NBAS: variants seen among roughly 807,000 people sequenced by gnomAD.
The protein encoded by NBAS is NBAS subunit of NRZ tethering complex.
NBAS carries 219 observed loss-of-function variants against 302.5 expected under a neutral mutation model. That is an observed-to-expected ratio of 0.72 (90% confidence interval 0.65 to 0.81). The LOEUF (loss-of-function observed/expected upper bound fraction) is 0.81, where lower values mean the gene tolerates loss of function less well. Among genes scored for constraint, NBAS ranks in the 30% least tolerant of loss-of-function variants. The probability of loss-of-function intolerance (pLI) is 0.00; values close to 1 mark genes in which losing one functional copy is unlikely to be tolerated. For missense variants in NBAS, 2,932 were observed against 2,841.6 expected (o/e 1.03, Z -0.72); for synonymous variants, 1,118 against 1,021.6 (o/e 1.09, Z -1.80).
chr2:15,233,447 CTAAAT>C (rs1454167039), intron 46 of NBAS, among the ~76,000 whole-genome samples: 2 of 152,052 alleles, frequency 1.3e-5, no homozygotes, highest in Non-Finnish European at 2.9e-5. Context: ...AAGAAATAAA[CTAAAT>C]TAATCAAAAC....
the NBAS span, among the ~76,000 whole-genome samples, chr2:14,790,885 C>T: frequency 2.6e-5 from 4 of 151,892 alleles, no homozygotes; most frequent in South Asian, 4.1e-4. Context: ...GATAGAGTTT[C>T]GCTCTTGTTG....
chr2:14,825,479 T>G, the NBAS span, among the ~76,000 whole-genome samples: 1 of 152,166 alleles, frequency 6.6e-6, no homozygotes, highest in Non-Finnish European at 1.5e-5. Flanking sequence ...GCCCCAGTAA[T>G]TTGCTATAAT....
chr2:15,531,747 G>T (rs1052736841), intron 9 of NBAS, among the ~76,000 whole-genome samples: 2 of 152,000 alleles, frequency 1.3e-5, no homozygotes, highest in African/African-American at 4.8e-5. Flanking sequence ...TTTTGCTTTG[G>T]CTATTCCTGC....
the NBAS span, among the ~76,000 whole-genome samples, chr2:15,077,076 G>A: frequency 1.3e-5 from 2 of 152,168 alleles, no homozygotes; most frequent in Admixed American, 1.3e-4. Flanking sequence ...ACCTGAGACT[G>A]GGTCATTTTT....
At position 15,461,473 on chromosome 2, in the gene NBAS, T is replaced by C. The variant is rs527437769; in HGVS notation, c.2203-136A>G. On this transcript the variant is annotated intron_variant, in intron 20 of 51. Transcript: ENST00000281513. ...ACCTTGAAATGACCCTAGTTTTTCC[T>C]AGCCTATATCCTGTTTCTCAATCTA... 9.5e-6 allele frequency: 9 copies of C among 947,486 alleles called. No individual in the cohort carries two copies. In the South Asian group the frequency reaches 1.3e-4, roughly 13 times the overall value. 58.7% of individuals were successfully genotyped at this position (947,486 alleles called of 1,614,324 possible). A position where few individuals can be genotyped will look rare whatever the true frequency, so the allele number is the denominator to read the frequency against.
At chr2:15,358,713 G>A (rs1572714013) in intron 32 of NBAS, among the ~76,000 whole-genome samples, 1 of 152,092 alleles carries the variant, frequency 6.6e-6, no homozygotes, top group African/African-American at 2.4e-5. Flanking sequence ...CCAAAATGTT[G>A]GGATTAGAGG....
At chr2:15,500,684 C>T (rs1406349091) in intron 11 of NBAS, among the ~76,000 whole-genome samples, 2 of 151,738 alleles carry the variant, frequency 1.3e-5, no homozygotes, top group African/African-American at 4.8e-5. Context: ...GCCTGTAATC[C>T]CAGCACTTTG....
At chr2:14,806,173 A>C in the NBAS span, among the ~76,000 whole-genome samples, 5 of 152,118 alleles carry the variant, frequency 3.3e-5, no homozygotes, top group Non-Finnish European at 7.3e-5. Flanking sequence ...CATTTCTAAC[A>C]AGTTCCCAAA....
chr2:14,996,709 C>CTT, the NBAS span, among the ~76,000 whole-genome samples: 833 of 152,292 alleles, frequency 5.5e-3, 15 homozygotes, highest in African/African-American at 0.019. Context: ...TCCCAGAGCT[C>CTT]TTTCTGCCTT....
At position 15,558,641 on chromosome 2, in the gene NBAS, T is replaced by G. The variant is rs1298548188; in HGVS notation, c.118-7A>C. ...GTTTTTGGTTGCCTCTAGGCTGGAA[T>G]TTAAAACAAAAAACACTTACATTTG... On this transcript the variant is annotated splice_polypyrimidine_tract_variant and splice_region_variant and intron_variant, in intron 1 of 51. Transcript: ENST00000281513. 3 of 1,610,174 alleles carry G rather than the reference T, an allele frequency of 1.9e-6. No individual in the cohort carries two copies. The highest frequency in any genetic ancestry group is 2.5e-6 in the Non-Finnish European group (3 of 1,177,490).
the NBAS span, among the ~76,000 whole-genome samples, chr2:14,909,366 T>TAAAAAAGAAAAA: frequency 1.3e-5 from 1 of 78,582 alleles, no homozygotes; most frequent in African/African-American, 5.5e-5. Flanking sequence ...GGAGAGTTTC[T>TAAAAAAGAAAAA]AAAAAAAAAA....
At chr2:14,998,669 A>G in the NBAS span, among the ~76,000 whole-genome samples, 3 of 152,176 alleles carry the variant, frequency 2.0e-5, no homozygotes, top group Admixed American at 2.0e-4. Context: ...GTATGTGAAG[A>G]TAAGCTGCTT....
At chr2:15,440,881 C>T (rs528664657) in intron 21 of NBAS, among the ~76,000 whole-genome samples, 29 of 151,682 alleles carry the variant, frequency 1.9e-4, no homozygotes, top group Admixed American at 6.6e-4. Flanking sequence ...GGAGCCGATG[C>T]GATCAACTGG....
downstream of NBAS, among the ~76,000 whole-genome samples, chr2:15,164,031 A>G (rs1175841861): frequency 1.3e-5 from 2 of 152,184 alleles, no homozygotes; most frequent in Non-Finnish European, 2.9e-5. Context: ...TCCTGGCCTC[A>G]AGTGATCTGC....
rs1054475348 is a variant in NBAS at position 15,275,682 on chromosome 2, G to C, written c.5526C>G (p.Ser1842=). The C allele has an allele frequency of 3.7e-6, 6 of 1,614,158 alleles. No individual in the cohort carries two copies. Among genetic ancestry groups the C allele is most frequent in the Middle Eastern group, 1.6e-4 (1 of 6,062 alleles). The change falls in exon 44 of 52, where the codon TCC becomes TCG. Residue 1842 remains serine, a synonymous_variant. Coordinates refer to ENST00000281513, the MANE Select transcript of NBAS (RefSeq NM_015909.4). ...ACCAGATGGTGTACAGAGAGCTTGG[G>C]GAAAGCATCTGTCCATCCTTTTCAG... ...KIPEKDGQML[S]PSSLYTIWLQ...
chr2:15,261,726 T>C (rs1668862558), intron 44 of NBAS, among the ~76,000 whole-genome samples: 1 of 152,094 alleles, frequency 6.6e-6, no homozygotes, highest in African/African-American at 2.4e-5. Flanking sequence ...GCATGAAAAA[T>C]GTTAGAAATG....
At position 15,511,216 on chromosome 2, in the gene NBAS, G is replaced by A. The variant is rs752679737; in HGVS notation, c.881C>T (p.Thr294Ile). Residue 294 changes from threonine to isoleucine, a missense_variant, in exon 10 of 52, where the codon ACT becomes ATT. Thr to Ile is a moderately conservative substitution (Grantham distance 89, BLOSUM62 -1). Transcript: ENST00000281513. ...AGTGCCATAACTCATACTTACTGCAGTAACCCCGTCTCCACCATTAGTAAC... is the reference window on the plus strand; with the variant it reads ...AGTGCCATAACTCATACTTACTGCAATAACCCCGTCTCCACCATTAGTAAC... ...KQVTNGGDGV[T>I]AVPKTLGLLR... The A allele has an allele frequency of 6.2e-6, 10 of 1,613,942 alleles. No individual in the cohort carries two copies. The highest frequency in any genetic ancestry group is 8.5e-6 in the Non-Finnish European group (10 of 1,179,992).
At chr2:14,797,495 A>G in the NBAS span, among the ~76,000 whole-genome samples, 2 of 152,138 alleles carry the variant, frequency 1.3e-5, no homozygotes, top group Non-Finnish European at 2.9e-5. Flanking sequence ...CCCATTCACC[A>G]CACTGCAGAT....
chr2:14,945,796 A>C, the NBAS span, among the ~76,000 whole-genome samples: 3 of 152,168 alleles, frequency 2.0e-5, no homozygotes, highest in Non-Finnish European at 4.4e-5. Context: ...GATATAGAGA[A>C]TAGGCCAGAC....
Sources: gnomAD v4.1 joint callset for allele counts (sites outside exome capture counted in the v4.1 genomes callset) on GRCh38, gnomAD v4.1.1 for gene constraint, MANE v1.5 for transcripts, NCBI Gene and HGNC (gene_info 2026-07-23, HGNC 2026-07-21) for gene names.